SCAPER: variants seen among roughly 807,000 people sequenced by gnomAD.
SCAPER encodes the protein S phase cyclin A-associated protein in the endoplasmic reticulum.
In SCAPER, 98 loss-of-function variants were observed where a neutral mutation model predicts 182.2. That is an observed-to-expected ratio of 0.54 (90% CI 0.46 to 0.64). The LOEUF (loss-of-function observed/expected upper bound fraction) is 0.64. Among genes scored for constraint, SCAPER ranks in the 30% least tolerant of loss-of-function variants. The pLI, the probability that SCAPER is intolerant of heterozygous loss-of-function variation, is 0.00. For synonymous variants in SCAPER, 605 were observed against 564.6 expected (o/e 1.07, Z -1.01); for missense variants, 1,432 against 1,690.0 (o/e 0.85, Z 2.68).
At chr15:76,552,645 ACAGAAAAGTAG>A (rs1188118039) in intron 23 of SCAPER, among the ~76,000 whole-genome samples, 2 of 152,162 alleles carry the variant, frequency 1.3e-5, no homozygotes, top group Non-Finnish European at 2.9e-5. Context: ...GGACAGCTGC[ACAGAAAAGTAG>A]CAGAGCAGGA....
At chr15:76,550,859 GT>G (rs1193154343) in intron 23 of SCAPER, among the ~76,000 whole-genome samples, 1 of 152,052 alleles carries the variant, frequency 6.6e-6, no homozygotes, top group Non-Finnish European at 1.5e-5. Flanking sequence ...AGCATCTATT[GT>G]TTCTTGACTT....
chr15:76,742,538 A>C (rs2061605246), intron 15 of SCAPER, among the ~76,000 whole-genome samples: 1 of 151,564 alleles, frequency 6.6e-6, no homozygotes, highest in Admixed American at 6.6e-5. Flanking sequence ...GCTGCAACTG[A>C]AAATGAGTCA....
intron 22 of SCAPER, among the ~76,000 whole-genome samples, chr15:76,579,525 C>T (rs1328989395): frequency 1.5e-5 from 2 of 134,208 alleles, no homozygotes; most frequent in African/African-American, 5.6e-5. Context: ...AAAAACCACA[C>T]AAAAGATTCA....
chr15:76,489,236 A>AG, intron 24 of SCAPER, among the ~76,000 whole-genome samples: 1 of 139,492 alleles, frequency 7.2e-6, no homozygotes, highest in Non-Finnish European at 1.6e-5. Context: ...TAAAAGTAAC[A>AG]GAAAAAAACC....
intron 22 of SCAPER, among the ~76,000 whole-genome samples, chr15:76,585,269 A>G (rs1209224749): frequency 4.6e-5 from 7 of 152,150 alleles, no homozygotes; most frequent in Non-Finnish European, 7.4e-5. Context: ...ATGGTCGACT[A>G]TTATTACTGT....
intron 23 of SCAPER, among the ~76,000 whole-genome samples, chr15:76,509,145 AAAAT>A (rs1469735652): frequency 6.6e-6 from 1 of 152,194 alleles, no homozygotes; most frequent in Non-Finnish European, 1.5e-5. Context: ...ACCATATTAA[AAAAT>A]AAATGAAACA....
intron 17 of SCAPER, among the ~76,000 whole-genome samples, chr15:76,720,021 T>G (rs1305287065): frequency 6.6e-6 from 1 of 152,008 alleles, no homozygotes; most frequent in Non-Finnish European, 1.5e-5. Context: ...GTTGGTGTGC[T>G]GCACCCATTA....
At chr15:76,380,518 T>G (rs1448761227) in intron 28 of SCAPER, 1 of 152,202 alleles carries the variant, frequency 6.6e-6, no homozygotes, top group Non-Finnish European at 1.5e-5. Context: ...CATCTCAGAA[T>G]GGCAAAGTCC....
intron 15 of SCAPER, among the ~76,000 whole-genome samples, chr15:76,734,217 A>T (rs573273133): frequency 6.6e-6 from 1 of 152,346 alleles, no homozygotes; most frequent in Admixed American, 6.5e-5. Context: ...ATTGATCCTT[A>T]ATAGTCAAGT....
intron 22 of SCAPER, 50 bp downstream of exon 22, chr15:76,621,714 G>T: frequency 7.1e-7 from 1 of 1,406,726 alleles, no homozygotes; most frequent in Non-Finnish European, 9.9e-7. Context: ...ATACACTTTT[G>T]TTACAGGCAT....
At chr15:76,486,049 T>C (rs1300202171) in intron 24 of SCAPER, among the ~76,000 whole-genome samples, 4 of 151,878 alleles carry the variant, frequency 2.6e-5, no homozygotes, top group Non-Finnish European at 5.9e-5. Flanking sequence ...CTACCAAAAA[T>C]ACAAAAAATT....
intron 29 of SCAPER, among the ~76,000 whole-genome samples, chr15:76,361,021 T>C (rs1470876487): frequency 6.9e-6 from 1 of 144,870 alleles, no homozygotes; most frequent in Non-Finnish European, 1.5e-5. Context: ...AAAATTTAAA[T>C]TAAAAAAAAA....
At chr15:76,575,366 T>C (rs2047741163) in intron 22 of SCAPER, among the ~76,000 whole-genome samples, 1 of 152,164 alleles carries the variant, frequency 6.6e-6, no homozygotes, top group African/African-American at 2.4e-5. Context: ...TTCCCCACTC[T>C]CTTCAAAAGT....
At chr15:76,814,461 C>G (rs558050921) in intron 5 of SCAPER, among the ~76,000 whole-genome samples, 9 of 152,090 alleles carry the variant, frequency 5.9e-5, no homozygotes, top group Admixed American at 3.3e-4. Context: ...GAAATAAACT[C>G]AAGCATATGT....
At chr15:76,628,133 G>C (rs1481859619) in intron 21 of SCAPER, among the ~76,000 whole-genome samples, 3 of 151,996 alleles carry the variant, frequency 2.0e-5, no homozygotes, top group Non-Finnish European at 4.4e-5. Flanking sequence ...TTTTTAATGG[G>C]GTTTTCTTTC....
At chr15:76,494,431 T>C (rs1597013995) in intron 24 of SCAPER, among the ~76,000 whole-genome samples, 1 of 152,300 alleles carries the variant, frequency 6.6e-6, no homozygotes, top group African/African-American at 2.4e-5. Context: ...TAATTTCCTA[T>C]ACCCACATCA....
chr15:76,805,329 T>G (rs1393704234), intron 5 of SCAPER, among the ~76,000 whole-genome samples: 1 of 152,164 alleles, frequency 6.6e-6, no homozygotes, highest in East Asian at 1.9e-4. Context: ...AAGTTTAAAG[T>G]TAACTACCAA....
intron 21 of SCAPER, among the ~76,000 whole-genome samples, chr15:76,623,627 C>T (rs2052303833): frequency 6.6e-6 from 1 of 152,116 alleles, no homozygotes; most frequent in African/African-American, 2.4e-5. Context: ...TGTACCAGTA[C>T]CATGCTCTCT....
intron 23 of SCAPER, among the ~76,000 whole-genome samples, chr15:76,564,610 A>G (rs532861976): frequency 6.6e-6 from 1 of 152,336 alleles, no homozygotes; most frequent in African/African-American, 2.4e-5. Flanking sequence ...ATTAGATTCA[A>G]TGCTATTCCC....
Sources: gnomAD v4.1 joint callset for allele counts (sites outside exome capture counted in the v4.1 genomes callset) on GRCh38, gnomAD v4.1.1 for gene constraint, MANE v1.5 for transcripts, NCBI Gene and HGNC (gene_info 2026-07-23, HGNC 2026-07-21) for gene names.